NEO1: variants seen among roughly 807,000 people sequenced by gnomAD.
The protein encoded by NEO1 is neogenin 1, also known as neogenin.
A neutral mutation model predicts 159.7 loss-of-function variants in NEO1; 63 were observed. That is an observed-to-expected ratio of 0.39 (90% CI 0.32 to 0.49). The LOEUF (loss-of-function observed/expected upper bound fraction) is 0.49, where lower values mean the gene tolerates loss of function less well. Ranked by LOEUF, NEO1 falls within the 20% of genes least tolerant of loss-of-function variation. The pLI is 0.85. For missense variants in NEO1, 1,615 were observed against 1,831.0 expected (o/e 0.88, Z 2.15); for synonymous variants, 633 against 662.0 (o/e 0.96, Z 0.67).
At chr15:73,052,314 C>T (rs1341607241), upstream of NEO1, among the ~76,000 whole-genome samples, 3 of 145,540 alleles carry the variant, frequency 2.1e-5, no homozygotes, top group East Asian at 4.1e-4. Flanking sequence ...CCCCCGCCCC[C>T]GCCCCCGCCG....
At position 73,302,901 on chromosome 15, in the gene NEO1, GGCA is replaced by G. The variant is rs2042676084; in HGVS notation, c.*208_*210del. Reference sequence around the variant, plus strand: ...TCAGCCTGGAAGAAGCCTGTGTCGAGGCAGCTTCCCTTTGCCTGCTGATATTCT... The same window carrying G: ...TCAGCCTGGAAGAAGCCTGTGTCGAGGCTTCCCTTTGCCTGCTGATATTCT... On this transcript the variant is annotated 3_prime_UTR_variant, in exon 29 of 29. Transcript: ENST00000261908. 2 of 530,112 alleles carry G rather than the reference GGCA, an allele frequency of 3.8e-6. No individual in the cohort carries two copies. The highest frequency in any genetic ancestry group is 6.8e-6 in the Non-Finnish European group (2 of 294,550). 32.8% of individuals were successfully genotyped at this position (530,112 alleles called of 1,614,324 possible). A position where few individuals can be genotyped will look rare whatever the true frequency, so the allele number is the denominator to read the frequency against.
intron 1 of NEO1, among the ~76,000 whole-genome samples, chr15:73,072,587 A>T (rs996613619): frequency 6.6e-6 from 1 of 152,176 alleles, no homozygotes; most frequent in African/African-American, 2.4e-5. Flanking sequence ...TGGGAATGAG[A>T]TAGGGTAGGA....
chr15:73,242,242 C>G (rs2039526097), intron 8 of NEO1, among the ~76,000 whole-genome samples: 1 of 152,176 alleles, frequency 6.6e-6, no homozygotes, highest in African/African-American at 2.4e-5. Context: ...CAGAACTTAA[C>G]CACTAGTAGC....
intron 1 of NEO1, among the ~76,000 whole-genome samples, chr15:73,064,505 C>T (rs1326740689): frequency 6.6e-6 from 1 of 152,148 alleles, no homozygotes. Context: ...CACTCTGTTG[C>T]CTAGGCTGGA....
chr15:73,293,244 C>G, intron 25 of NEO1, 146 bp from the exon 26 acceptor site: 1 of 777,666 alleles, frequency 1.3e-6, no homozygotes, highest in South Asian at 1.9e-5. Flanking sequence ...GCTAATTGAC[C>G]AGATCTAGCC....
chr15:73,276,032 C>T (rs1481119321), intron 21 of NEO1, among the ~76,000 whole-genome samples: 1 of 152,200 alleles, frequency 6.6e-6, no homozygotes, highest in African/African-American at 2.4e-5. Context: ...ATTGGAGAAA[C>T]TGCAAACATA....
intron 8 of NEO1, among the ~76,000 whole-genome samples, chr15:73,242,277 A>G (rs1354286749): frequency 1.3e-5 from 2 of 152,222 alleles, no homozygotes; most frequent in Admixed American, 1.3e-4. Context: ...AAGCCTTGCC[A>G]ATAACATCAA....
intron 18 of NEO1, among the ~76,000 whole-genome samples, chr15:73,271,525 T>A (rs570850281): frequency 2.6e-5 from 4 of 152,326 alleles, no homozygotes; most frequent in Admixed American, 2.6e-4. Context: ...GTAACCTCAA[T>A]AGTTGGCAGT....
intron 7 of NEO1, among the ~76,000 whole-genome samples, chr15:73,185,600 T>A (rs1021273438): frequency 1.8e-4 from 28 of 152,194 alleles, no homozygotes; most frequent in Non-Finnish European, 2.9e-5. Flanking sequence ...AACATTTTTA[T>A]CATAAAATTT....
intron 1 of NEO1, among the ~76,000 whole-genome samples, chr15:73,073,807 A>T (rs1436860595): frequency 6.6e-6 from 1 of 152,198 alleles, no homozygotes; most frequent in African/African-American, 2.4e-5. Context: ...AGAATGTACC[A>T]TACTAGGAGA....
intron 14 of NEO1, 160 bp downstream of exon 14, chr15:73,259,036 A>G: frequency 1.6e-6 from 1 of 607,224 alleles, no homozygotes. Context: ...GGCTGCTGGA[A>G]TGGATTTTTT....
At chr15:73,298,227 C>T in intron 26 of NEO1, 121 bp from the exon 27 acceptor site, 1 of 1,167,338 alleles carries the variant, frequency 8.6e-7, no homozygotes, top group Non-Finnish European at 1.2e-6. Flanking sequence ...TTCTCTTGGA[C>T]TAGCACTGAT....
chr15:73,101,793 A>T (rs1447521340), intron 1 of NEO1, among the ~76,000 whole-genome samples: 1 of 152,098 alleles, frequency 6.6e-6, no homozygotes, highest in Non-Finnish European at 1.5e-5. Flanking sequence ...CTTACCGTGT[A>T]ATTGCCTGTA....
intron 27 of NEO1, 138 bp downstream of exon 27, chr15:73,298,749 G>A (rs533460): frequency 0.068 from 84,001 of 1,233,592 alleles, 3,674 homozygotes; most frequent in African/African-American, 0.17. Flanking sequence ...TTCTGTTAGC[G>A]TAGCAGTGTG....
chr15:73,171,651 T>G (rs1596247803), intron 5 of NEO1, among the ~76,000 whole-genome samples: 1 of 144,040 alleles, frequency 6.9e-6, no homozygotes, highest in African/African-American at 2.6e-5. Flanking sequence ...ATTATTATTA[T>G]TATTACTTGA....
At chr15:73,075,213 C>T (rs952757390) in intron 1 of NEO1, among the ~76,000 whole-genome samples, 1 of 152,074 alleles carries the variant, frequency 6.6e-6, no homozygotes, top group Non-Finnish European at 1.5e-5. Context: ...ATAGAACGTC[C>T]AGCAGCCTTT....
intron 4 of NEO1, among the ~76,000 whole-genome samples, chr15:73,130,855 C>CAACACCATGTGGGGG (rs1248469713): frequency 1.3e-5 from 2 of 152,240 alleles, no homozygotes; most frequent in African/African-American, 4.8e-5. Flanking sequence ...TTCATGGTGT[C>CAACACCATGTGGGGG]AACACCATGT....
At chr15:73,289,294 G>T in intron 25 of NEO1, 56 bp downstream of exon 25, 2 of 1,378,446 alleles carry the variant, frequency 1.5e-6, no homozygotes, top group South Asian at 2.4e-5. Context: ...TCATGTAGGG[G>T]AACAACTATG....
At chr15:73,096,822 T>C (rs983241047) in intron 1 of NEO1, among the ~76,000 whole-genome samples, 6 of 152,124 alleles carry the variant, frequency 3.9e-5, no homozygotes, top group African/African-American at 1.4e-4. Context: ...GAGCACTCAT[T>C]TTTCTTTACT....
Sources: gnomAD v4.1 joint callset for allele counts (sites outside exome capture counted in the v4.1 genomes callset) on GRCh38, gnomAD v4.1.1 for gene constraint, MANE v1.5 for transcripts, NCBI Gene and HGNC (gene_info 2026-07-23, HGNC 2026-07-21) for gene names.